Variants in BBOX1 observed in about 807,000 individuals in gnomAD.
BBOX1 encodes the protein gamma-butyrobetaine hydroxylase 1.
In BBOX1, 35 loss-of-function variants were observed where a neutral mutation model predicts 41.6. That is an observed-to-expected ratio of 0.84 (90% confidence interval 0.64 to 1.11). The LOEUF is 1.11. Among genes scored for constraint, BBOX1 ranks in the 50% most tolerant of loss-of-function variants. The probability of loss-of-function intolerance (pLI) is 0.00; values close to 1 mark genes in which losing one functional copy is unlikely to be tolerated. For missense variants in BBOX1, 458 were observed against 460.6 expected, an observed-to-expected ratio of 0.99 and a Z score of 0.05; for synonymous variants, 163 against 154.7, an observed-to-expected ratio of 1.05 and a Z score of -0.40.
chr11:27,053,815 T>C lies in BBOX1; in HGVS notation c.-38-1578T>C, dbSNP rs116701436. On this transcript the variant is annotated intron_variant, in intron 2 of 8. Transcript: ENST00000263182. ...TTTGATTATTTTTAAGTAATAGTGT[T>C]CTCCTACCACTATACAAATTTAAAG... Among the ~76,000 whole-genome samples the C allele has an allele frequency of 3.4e-3, 510 of 152,230 alleles. 2 individuals carry two copies. Among genetic ancestry groups the C allele is most frequent in the African/African-American group, 0.012 (482 of 41,546 alleles).
chr11:27,046,359 C>T (rs1851488104), intron 2 of BBOX1: 1 of 151,924 alleles, frequency 6.6e-6, no homozygotes, highest in South Asian at 2.1e-4. Flanking sequence ...TTGTGCCCAA[C>T]AGAAGTCCCA....
intron 5 of BBOX1, among the ~76,000 whole-genome samples, chr11:27,099,573 C>T (rs1037014508): frequency 4.0e-5 from 6 of 151,790 alleles, no homozygotes; most frequent in Non-Finnish European, 7.4e-5. Flanking sequence ...AACTTTACGC[C>T]CAAAACGTTT....
chr11:27,121,426 T>A (rs1199845184), intron 7 of BBOX1, among the ~76,000 whole-genome samples: 1 of 152,146 alleles, frequency 6.6e-6, no homozygotes, highest in Non-Finnish European at 1.5e-5. Flanking sequence ...TTTAGTTATA[T>A]TTTAAATGGG....
intron 5 of BBOX1, among the ~76,000 whole-genome samples, chr11:27,112,904 A>G (rs7951152): frequency 0.95 from 144,288 of 152,138 alleles, 68,528 homozygotes; most frequent in African/African-American, 0.98. Context: ...TGCAAAGTAT[A>G]TATCTGACCA....
chr11:27,093,996 T>C (rs1211523027), intron 5 of BBOX1, among the ~76,000 whole-genome samples: 2 of 152,002 alleles, frequency 1.3e-5, no homozygotes, highest in African/African-American at 4.8e-5. Flanking sequence ...TATTAAACTT[T>C]ATGTTAAAGT....
At chr11:27,123,996 T>C (rs1590231708) in intron 7 of BBOX1, among the ~76,000 whole-genome samples, 1 of 152,200 alleles carries the variant, frequency 6.6e-6, no homozygotes, top group South Asian at 2.1e-4. Flanking sequence ...AAGCAAAGAA[T>C]TGGTGCTAAT....
intron 6 of BBOX1, among the ~76,000 whole-genome samples, chr11:27,119,405 T>G (rs1490897150): frequency 2.0e-5 from 3 of 151,996 alleles, no homozygotes; most frequent in African/African-American, 7.2e-5. Context: ...GTAACATGTT[T>G]GAACTATACA....
At chr11:27,085,561 C>A (rs868311024) in intron 4 of BBOX1, among the ~76,000 whole-genome samples, 9,508 of 146,404 alleles carry the variant, frequency 0.065, 1,002 homozygotes, top group African/African-American at 0.22. Context: ...CCCCATCTCT[C>A]TCTCTCTCTC....
At chr11:27,084,451 A>T (rs1857962007) in intron 4 of BBOX1, among the ~76,000 whole-genome samples, 1 of 152,160 alleles carries the variant, frequency 6.6e-6, no homozygotes, top group Admixed American at 6.5e-5. Context: ...TGTTAAAAAA[A>T]AAATCTGAAG....
In BBOX1 at chr11:27,115,554, T is replaced by C. The variant is rs1859229928; in HGVS notation, c.636T>C (p.Pro212=). ...ATTATCCAGCCCTCCATCATCCACC[T>C]GGGGTAAGTGAGCTTCAACATATTT... ...HTDYPALHHP[P]GVQLLHCIKQ... is the part of the protein sequence containing the mutation. The change falls in exon 6 of 9, where the codon CCT becomes CCC. Residue 212 remains proline, a synonymous_variant. Transcript: ENST00000263182. The C allele has an allele frequency of 6.2e-7, 1 of 1,606,292 alleles. No homozygotes were observed. The highest frequency in any genetic ancestry group is 8.5e-7 in the Non-Finnish European group (1 of 1,175,330).
chr11:27,051,036 A>G (rs1380650074), intron 2 of BBOX1, among the ~76,000 whole-genome samples: 2 of 152,052 alleles, frequency 1.3e-5, no homozygotes, highest in African/African-American at 2.4e-5. Flanking sequence ...GATAATTATT[A>G]TCATAAAAGG....
At chr11:27,051,493 C>T (rs11029804) in intron 2 of BBOX1, among the ~76,000 whole-genome samples, 20,697 of 151,902 alleles carry the variant, frequency 0.14, 1,833 homozygotes, top group South Asian at 0.33. Context: ...TTTTGATTAC[C>T]GACTTAATCT....
At chr11:27,111,084 G>C (rs1037137910) in intron 5 of BBOX1, among the ~76,000 whole-genome samples, 11 of 151,278 alleles carry the variant, frequency 7.3e-5, no homozygotes, top group African/African-American at 2.7e-4. Context: ...TTTAAGCTAA[G>C]GTATTTTTAA....
chr11:27,049,461 G>A lies in BBOX1; in HGVS notation c.-38-5932G>A, dbSNP rs574023497. On this transcript the variant is annotated intron_variant, in intron 2 of 8. Coordinates refer to ENST00000263182, the MANE Select transcript of BBOX1 (RefSeq NM_003986.3). Reference sequence around the variant, plus strand: ...GGTAGGGTCTTTCTATGTTGGCCACGTTGGCCTCAAACTCCTGAGTTCAAG... The same window carrying A: ...GGTAGGGTCTTTCTATGTTGGCCACATTGGCCTCAAACTCCTGAGTTCAAG... Among the ~76,000 whole-genome samples, 8 of 151,910 alleles carry A rather than the reference G, an allele frequency of 5.3e-5. No homozygotes were observed. In the East Asian group the frequency reaches 1.2e-3, roughly 22 times the overall value.
chr11:27,115,601 C>A, intron 6 of BBOX1, 44 bp downstream of exon 6: 1 of 1,505,652 alleles, frequency 6.6e-7, no homozygotes, highest in African/African-American at 1.4e-5. Flanking sequence ...TGATGATGAC[C>A]AGTATCTTTT....
chr11:27,099,787 G>A (rs1858579518), intron 5 of BBOX1, among the ~76,000 whole-genome samples: 1 of 152,080 alleles, frequency 6.6e-6, no homozygotes, highest in Non-Finnish European at 1.5e-5. Flanking sequence ...TCTTTCTGCA[G>A]GGGTGTTTTA....
At chr11:27,057,541 CCAGCAAA>C in intron 4 of BBOX1, 1 of 448,506 alleles carries the variant, frequency 2.2e-6, no homozygotes, top group Non-Finnish European at 3.9e-6. Context: ...CAAAATAAGT[CCAGCAAA>C]CTTGTGTCTT....
intron 5 of BBOX1, among the ~76,000 whole-genome samples, chr11:27,095,338 C>G (rs1486716868): frequency 3.3e-5 from 5 of 151,776 alleles, no homozygotes; most frequent in Non-Finnish European, 7.4e-5. Flanking sequence ...GCAAAACCAT[C>G]ACACTAGGGG....
intron 4 of BBOX1, among the ~76,000 whole-genome samples, chr11:27,064,065 C>T (rs916227698): frequency 3.9e-5 from 6 of 152,126 alleles, no homozygotes; most frequent in African/African-American, 1.4e-4. Flanking sequence ...ATATTTTGCC[C>T]CCATCTCTAA....
Sources: allele counts gnomAD v4.1 joint callset (sites outside exome capture counted in the v4.1 genomes callset), GRCh38; gene constraint gnomAD v4.1.1; transcripts MANE v1.5; gene names NCBI Gene and HGNC (gene_info 2026-07-23, HGNC 2026-07-21).